ANKRD44: variants seen among roughly 807,000 people sequenced by gnomAD.
ANKRD44 encodes the protein ankyrin repeat domain 44, also known as serine/threonine-protein phosphatase 6 regulatory ankyrin repeat subunit B.
In ANKRD44, 35 loss-of-function variants were observed where a neutral mutation model predicts 116.0. The ratio of observed to expected loss-of-function variants is 0.30; its 90% CI spans 0.23 to 0.40. ANKRD44 has a LOEUF of 0.40. ANKRD44 is among the 10% of genes least tolerant of loss of function. The pLI is 1.00. For synonymous variants in ANKRD44, 435 were observed against 461.8 expected (o/e 0.94, Z 0.74); for missense variants, 1,014 against 1,242.6 (o/e 0.82, Z 2.77).
intron 1 of ANKRD44, among the ~76,000 whole-genome samples, chr2:197,254,419 AGCCTGTAATTG>A (rs2082394184): frequency 6.6e-6 from 1 of 152,132 alleles, no homozygotes; most frequent in Non-Finnish European, 1.5e-5. Flanking sequence ...TTCCAACTCC[AGCCTGTAATTG>A]GCCAGAAATG....
chr2:197,248,741 G>C (rs558477727), intron 1 of ANKRD44, among the ~76,000 whole-genome samples: 2 of 151,796 alleles, frequency 1.3e-5, no homozygotes, highest in African/African-American at 4.8e-5. Context: ...GCAAACATAG[G>C]AGGCTCTCTG....
At chr2:197,034,011 T>A (rs1024878627) in intron 16 of ANKRD44, among the ~76,000 whole-genome samples, 4 of 148,716 alleles carry the variant, frequency 2.7e-5, no homozygotes, top group African/African-American at 1.0e-4. Context: ...GCTCAGATAC[T>A]CTAGTCTCAT....
intron 8 of ANKRD44, among the ~76,000 whole-genome samples, chr2:197,114,801 A>G (rs571662337): frequency 2.8e-4 from 43 of 152,304 alleles, no homozygotes; most frequent in Non-Finnish European, 4.6e-4. Context: ...GAGAAACCCA[A>G]TAAGTCTTCC....
At chr2:197,101,705 C>A (rs574082773) in intron 9 of ANKRD44, among the ~76,000 whole-genome samples, 3 of 152,162 alleles carry the variant, frequency 2.0e-5, no homozygotes, top group African/African-American at 7.2e-5. Flanking sequence ...GCAATCTGTG[C>A]GGTGATACAG....
chr2:197,108,897 C>T (rs911985040), intron 9 of ANKRD44, among the ~76,000 whole-genome samples: 1 of 151,730 alleles, frequency 6.6e-6, no homozygotes. Context: ...CAAAAAAAGT[C>T]TAGCAAGAAT....
intron 1 of ANKRD44, among the ~76,000 whole-genome samples, chr2:197,199,721 C>T (rs1279224897): frequency 1.3e-5 from 2 of 152,180 alleles, no homozygotes; most frequent in Non-Finnish European, 2.9e-5. Context: ...GTCTGGATTA[C>T]AGATGCATAC....
rs1458178632 is a variant in ANKRD44, at chr2:197,201,958, A to G, written c.28-14852T>C. 6.6e-6 allele frequency among the ~76,000 whole-genome samples: 1 copy of G among 152,224 alleles called. No homozygotes were observed. Among genetic ancestry groups the G allele is most frequent in the Non-Finnish European group, 1.5e-5 (1 of 68,038 alleles). On this transcript the variant is annotated intron_variant, in intron 1 of 27. Transcript: ENST00000282272. This position sits in a 1 kb window ranked among gnomAD's most constrained non-coding sequence, Gnocchi z 4.0. ...TACCTCATCACCATGTAACATTCCA[A>G]GGGTTTAAAATGCACAATACAATCA...
rs758083992 is a variant in ANKRD44, at chr2:197,125,431, T to C, written c.500A>G (p.Asn167Ser). The change falls in exon 6 of 28, where the codon AAT (asparagine) becomes AGT (serine). Residue 167 changes from asparagine to serine, a missense_variant. Transcript: ENST00000282272. ...NLLLAKGANI[N>S]AFDKKDRRAL... ...ACGCCGGTCCTTCTTGTCAAATGCA[T>C]TGATATTTGCCCCTTTGGCCAAGAG... 1.1e-5 allele frequency: 18 copies of C among 1,614,100 alleles called. No homozygotes were observed. The East Asian group carries it at 3.6e-4, about 32-fold the overall frequency.
rs1331171187 is a variant in ANKRD44 at position 197,078,781 on chromosome 2, A to C, written c.1572T>G (p.Asn524Lys). Residue 524 changes from asparagine (N) to lysine (K), a missense_variant, in exon 16 of 28, where the codon AAT becomes AAG. Asn to Lys is a moderately conservative substitution (Grantham distance 94). Transcript: ENST00000282272. ...AACCTTCCTTGTCCCGGATAGATGG[A>C]TTTGCATCATTTTGAAGCAGAAACT... ...CLEFLLQNDA[N>K]PSIRDKEGYN... 1 of 1,613,106 alleles carries C rather than the reference A, an allele frequency of 6.2e-7. No individual in the cohort carries two copies. The highest frequency in any genetic ancestry group is 8.5e-7 in the Non-Finnish European group (1 of 1,179,416).
chr2:197,112,125 A>G (rs905343272), intron 8 of ANKRD44, among the ~76,000 whole-genome samples: 11 of 152,236 alleles, frequency 7.2e-5, no homozygotes, highest in Non-Finnish European at 1.6e-4. Flanking sequence ...TTATTTTAGA[A>G]TAAAAGTATC....
intron 1 of ANKRD44, among the ~76,000 whole-genome samples, chr2:197,213,254 G>C (rs1241567536): frequency 6.6e-6 from 1 of 152,216 alleles, no homozygotes; most frequent in South Asian, 2.1e-4. Context: ...TCTCAAAGGA[G>C]AGCATTATAC....
At chr2:197,224,316 C>CTT (rs1206379779) in intron 1 of ANKRD44, among the ~76,000 whole-genome samples, 1 of 152,158 alleles carries the variant, frequency 6.6e-6, no homozygotes, top group Non-Finnish European at 1.5e-5. Flanking sequence ...CCACAATTGG[C>CTT]TTTTTCCTCC....
chr2:197,055,947 G>A (rs1166041466), intron 16 of ANKRD44, among the ~76,000 whole-genome samples: 3 of 152,080 alleles, frequency 2.0e-5, no homozygotes, highest in African/African-American at 7.2e-5. Context: ...TGGAGTACAG[G>A]AGTGCTATCA....
chr2:197,231,263 A>T (rs7568476), intron 1 of ANKRD44, among the ~76,000 whole-genome samples: 33,884 of 152,002 alleles, frequency 0.22, 4,048 homozygotes, highest in Middle Eastern at 0.32. Context: ...TCTCTAAAAA[A>T]ATTAAAAATT....
At chr2:197,108,515 AG>A (rs2078487671) in intron 9 of ANKRD44, among the ~76,000 whole-genome samples, 1 of 152,148 alleles carries the variant, frequency 6.6e-6, no homozygotes, top group Admixed American at 6.5e-5. Flanking sequence ...GATAAGAGAC[AG>A]GGTCTCTTTT....
At chr2:197,260,484 G>A (rs539215092) in intron 1 of ANKRD44, among the ~76,000 whole-genome samples, 9 of 151,646 alleles carry the variant, frequency 5.9e-5, no homozygotes, top group Non-Finnish European at 1.3e-4. Flanking sequence ...GTCTATCGTT[G>A]TTGGACATTT....
rs1438460106 is a variant in ANKRD44, at chr2:197,187,034, C to T, written c.100G>A (p.Val34Met). Residue 34 changes from valine (V) to methionine (M), a missense_variant, in exon 2 of 28, where the codon GTG becomes ATG. By Grantham distance (21) the Val-to-Met change is conservative. Transcript: ENST00000282272. ...ACAGTATCTCTTACCAGAGTATTCA[C>T]ATCTTCAGTTTTATGGATGAGCATC... ...IRMLIHKTED[V>M]NTLDSEKRTP... 5 of 1,613,970 alleles carry T rather than the reference C, an allele frequency of 3.1e-6. No homozygotes were observed. Among genetic ancestry groups the T allele is most frequent in the African/African-American group, 1.3e-5 (1 of 74,920 alleles).
chr2:197,062,695 C>T (rs2077342189), intron 16 of ANKRD44, among the ~76,000 whole-genome samples: 1 of 152,224 alleles, frequency 6.6e-6, no homozygotes, highest in South Asian at 2.1e-4. Context: ...TCAGAAGACC[C>T]CATGCCCACA....
At chr2:197,305,048 G>A (rs4850428) in intron 1 of ANKRD44, among the ~76,000 whole-genome samples, 46,586 of 152,054 alleles carry the variant, frequency 0.31, 7,919 homozygotes, top group East Asian at 0.46. Context: ...CCTGGCTCAC[G>A]TCTATTTGTG....
Sources: allele counts gnomAD v4.1 joint callset (sites outside exome capture counted in the v4.1 genomes callset), GRCh38; gene constraint gnomAD v4.1.1; non-coding constraint Gnocchi (gnomAD v3.1); transcripts MANE v1.5; gene names NCBI Gene and HGNC (gene_info 2026-07-23, HGNC 2026-07-21).